SHISA9: variants seen among roughly 807,000 people sequenced by gnomAD.
The protein encoded by SHISA9 is shisa family member 9.
In SHISA9, 13 loss-of-function variants were observed where a neutral mutation model predicts 38.0. The ratio of observed to expected loss-of-function variants is 0.34; its 90% CI spans 0.22 to 0.54. The LOEUF is 0.54. SHISA9 is among the 20% of genes least tolerant of loss of function. SHISA9 has a pLI of 0.91. For synonymous variants in SHISA9, 275 were observed against 242.0 expected (o/e 1.14, Z -1.27); for missense variants, 538 against 575.8 (o/e 0.93, Z 0.67).
chr16:13,442,056 T>A, the SHISA9 span, among the ~76,000 whole-genome samples: 1 of 152,254 alleles, frequency 6.6e-6, no homozygotes, highest in Non-Finnish European at 1.5e-5. Flanking sequence ...GCTTGCCTGT[T>A]GGCAAGAAGC....
intron 2 of SHISA9, among the ~76,000 whole-genome samples, chr16:12,980,716 A>G (rs1243382545): frequency 6.6e-6 from 1 of 151,854 alleles, no homozygotes; most frequent in African/African-American, 2.4e-5. Context: ...TCTATACTCC[A>G]TATAATTTAC....
chr16:13,068,281 C>G (rs1026376854), intron 2 of SHISA9, among the ~76,000 whole-genome samples: 1 of 152,186 alleles, frequency 6.6e-6, no homozygotes, highest in Admixed American at 6.5e-5. Flanking sequence ...GTTTCTCGAC[C>G]CATAAAATGA....
chr16:12,943,846 T>C (rs1251967104), intron 2 of SHISA9, among the ~76,000 whole-genome samples: 2 of 152,230 alleles, frequency 1.3e-5, no homozygotes, highest in Non-Finnish European at 2.9e-5. Flanking sequence ...ATAAAGACAC[T>C]AGCTCAGGGT....
chr16:13,130,506 T>C (rs564560483), intron 2 of SHISA9, among the ~76,000 whole-genome samples: 2 of 152,364 alleles, frequency 1.3e-5, no homozygotes, highest in South Asian at 4.1e-4. Context: ...TATTTCTTGG[T>C]ACTTTTCCAA....
At chr16:13,011,676 C>T (rs925964142) in intron 2 of SHISA9, among the ~76,000 whole-genome samples, 2 of 152,134 alleles carry the variant, frequency 1.3e-5, no homozygotes, top group Admixed American at 6.6e-5. Flanking sequence ...CACCCGCCAC[C>T]ATGCCTGGCT....
chr16:13,425,043 C>G, the SHISA9 span, among the ~76,000 whole-genome samples: 1 of 152,202 alleles, frequency 6.6e-6, no homozygotes, highest in Admixed American at 6.5e-5. Context: ...GATATCATGG[C>G]CTTTGCAGCA....
rs748866895 is a variant in SHISA9 at position 13,235,042 on chromosome 16, A to G, written c.908A>G (p.Asn303Ser). ...TLKSPKADKV[N>S]DDFYTKRRHL... is the part of the protein sequence containing the mutation. ...TTCCGATGTGTAGCTGACAAGGTCA[A>G]TGACGACTTCTACACCAAGCGACGG... Residue 303 changes from asparagine (N) to serine (S), a missense_variant, in exon 5 of 5, where the codon AAT (asparagine) becomes AGT (serine). By Grantham distance (46) the Asn-to-Ser change is conservative. Transcript: ENST00000558583. 7.8e-6 allele frequency: 12 copies of G among 1,546,290 alleles called. No individual in the cohort carries two copies. The South Asian group carries it at 8.4e-5, about 11-fold the overall frequency.
At chr16:12,922,165 AT>A (rs2071336444) in intron 2 of SHISA9, among the ~76,000 whole-genome samples, 2 of 152,370 alleles carry the variant, frequency 1.3e-5, no homozygotes, top group African/African-American at 4.8e-5. Flanking sequence ...AGTAGAAACT[AT>A]TGAAAGATAT....
At chr16:13,192,754 G>C (rs1362927391) in intron 2 of SHISA9, among the ~76,000 whole-genome samples, 1 of 151,920 alleles carries the variant, frequency 6.6e-6, no homozygotes, top group African/African-American at 2.4e-5. Flanking sequence ...ACGCACCTGT[G>C]GTCCCAGCTA....
At chr16:12,951,525 G>A (rs2071757184) in intron 2 of SHISA9, among the ~76,000 whole-genome samples, 2 of 152,126 alleles carry the variant, frequency 1.3e-5, no homozygotes, top group South Asian at 4.1e-4. Context: ...AAAAACAGGT[G>A]TTGGGCTGGA....
the SHISA9 span, among the ~76,000 whole-genome samples, chr16:13,259,778 C>A: frequency 6.6e-6 from 1 of 152,136 alleles, no homozygotes; most frequent in Admixed American, 6.5e-5. Flanking sequence ...GGAATCAAGT[C>A]CCTAGGCTGC....
At chr16:13,098,373 T>C (rs1454839895) in intron 2 of SHISA9, among the ~76,000 whole-genome samples, 2 of 152,200 alleles carry the variant, frequency 1.3e-5, no homozygotes, top group African/African-American at 2.4e-5. Context: ...GCTCCTCTTC[T>C]TTTCTTTAAT....
rs1317200403 is a variant in SHISA9 at position 13,235,427 on chromosome 16, C to G, written c.*18C>G. Reference sequence around the variant, plus strand: ...CTGTCTGAGCTTTCACCACAGGGAGCACCCTGGAGACCACACTCAACTGAG... The same window carrying G: ...CTGTCTGAGCTTTCACCACAGGGAGGACCCTGGAGACCACACTCAACTGAG... On this transcript the variant is annotated 3_prime_UTR_variant, in exon 5 of 5. Coordinates refer to ENST00000558583, the MANE Select transcript of SHISA9 (RefSeq NM_001145204.3). The G allele has an allele frequency of 5.9e-6, 9 of 1,525,074 alleles. No individual in the cohort carries two copies. In the Admixed American group the frequency reaches 6.0e-5, roughly 10 times the overall value. 94.5% of individuals were successfully genotyped at this position (1,525,074 alleles called of 1,614,324 possible). A position where few individuals can be genotyped will look rare whatever the true frequency, so the allele number is the denominator to read the frequency against.
chr16:13,225,127 A>G (rs1318505829), intron 4 of SHISA9, among the ~76,000 whole-genome samples: 1 of 152,120 alleles, frequency 6.6e-6, no homozygotes, highest in Admixed American at 6.6e-5. Flanking sequence ...ACACATGGAA[A>G]ATGGCCACGT....
the SHISA9 span, among the ~76,000 whole-genome samples, chr16:13,405,857 C>A: frequency 6.7e-6 from 1 of 149,606 alleles, no homozygotes; most frequent in East Asian, 2.0e-4. Flanking sequence ...ACCACATATT[C>A]TTTATCTGGT....
the SHISA9 span, among the ~76,000 whole-genome samples, chr16:13,545,562 A>C: frequency 2.0e-5 from 3 of 152,186 alleles, no homozygotes; most frequent in Non-Finnish European, 4.4e-5. Context: ...TCTTGGAAGC[A>C]GCCATTGTTT....
chr16:13,436,009 C>G, the SHISA9 span, among the ~76,000 whole-genome samples: 5 of 152,218 alleles, frequency 3.3e-5, no homozygotes, highest in South Asian at 6.2e-4. Flanking sequence ...GTTGGGGCAC[C>G]CTTGTAGGCC....
At chr16:13,087,898 T>C (rs960895893) in intron 2 of SHISA9, among the ~76,000 whole-genome samples, 4 of 152,246 alleles carry the variant, frequency 2.6e-5, no homozygotes, top group Non-Finnish European at 5.9e-5. Context: ...CCCTTGCCCA[T>C]GCCTATGTCC....
At chr16:13,044,754 T>A (rs938502999) in intron 2 of SHISA9, among the ~76,000 whole-genome samples, 1 of 152,184 alleles carries the variant, frequency 6.6e-6, no homozygotes, top group Non-Finnish European at 1.5e-5. Context: ...AGTTTTTCAT[T>A]GTGTGACGAA....
Sources: gnomAD v4.1 joint callset for allele counts (sites outside exome capture counted in the v4.1 genomes callset) on GRCh38, gnomAD v4.1.1 for gene constraint, MANE v1.5 for transcripts, NCBI Gene and HGNC (gene_info 2026-07-23, HGNC 2026-07-21) for gene names.